ABCC2: variants seen among roughly 807,000 people sequenced by gnomAD.
The protein encoded by ABCC2 is ATP binding cassette subfamily C member 2.
A neutral mutation model predicts 173.4 loss-of-function variants in ABCC2; 157 were observed. The ratio of observed to expected loss-of-function variants is 0.91; its 90% CI spans 0.80 to 1.03. ABCC2 has a LOEUF of 1.03. Ranked by LOEUF, ABCC2 falls within the 50% of genes least tolerant of loss-of-function variation. The probability of loss-of-function intolerance (pLI) is 0.00; values close to 1 mark genes in which losing one functional copy is unlikely to be tolerated. For synonymous variants in ABCC2, 657 were observed against 693.5 expected (o/e 0.95, Z 0.83); for missense variants, 1,822 against 1,852.3 (o/e 0.98, Z 0.30).
chr10:99,794,424 C>T lies in ABCC2; in HGVS notation c.588C>T (p.Ser196=), dbSNP rs1393703862. The change falls in exon 6 of 32, where the codon TCC becomes TCT. Residue 196 remains serine (S), a synonymous_variant. Transcript: ENST00000647814. Reference sequence around the variant, plus strand: ...TTTGTGTCTTTCAGAATCCATCATCCATAGCTTCATTCCTGAGTAGCATTA... The same window carrying T: ...TTTGTGTCTTTCAGAATCCATCATCTATAGCTTCATTCCTGAGTAGCATTA... ...ENNESSNNPS[S]IASFLSSITY... 2 of 1,613,804 alleles carry T rather than the reference C, an allele frequency of 1.2e-6. No individual in the cohort carries two copies. Among genetic ancestry groups the T allele is most frequent in the Non-Finnish European group, 1.7e-6 (2 of 1,179,880 alleles).
At chr10:99,820,572 A>G (rs978362734) in intron 19 of ABCC2, among the ~76,000 whole-genome samples, 7 of 152,232 alleles carry the variant, frequency 4.6e-5, no homozygotes, top group African/African-American at 1.7e-4. Context: ...ACCCTGGGCT[A>G]TATAGTGAAA....
intron 16 of ABCC2, among the ~76,000 whole-genome samples, chr10:99,816,098 G>C (rs1303275367): frequency 1.3e-5 from 2 of 151,070 alleles, no homozygotes; most frequent in South Asian, 4.2e-4. Flanking sequence ...CTCCCAAGTA[G>C]CTGGGATTAC....
At chr10:99,810,725 T>G (rs1180481681) in intron 14 of ABCC2, among the ~76,000 whole-genome samples, 2 of 152,122 alleles carry the variant, frequency 1.3e-5, no homozygotes, top group African/African-American at 4.8e-5. Context: ...TTGGGAGTTC[T>G]GAATAAAAAA....
Position 99,792,374 on chromosome 10 carries a change from A to C in ABCC2, c.333+15A>C, listed in dbSNP as rs2037824973. ...TAGGCACATGGGTAAGACCTATACC[A>C]CTTCTGCCCTGTTTACCTTTTCATT... On this transcript the variant is annotated intron_variant, in intron 3 of 31. Coordinates refer to ENST00000647814, the MANE Select transcript of ABCC2 (RefSeq NM_000392.5). 1 of 1,613,556 alleles carries C rather than the reference A, an allele frequency of 6.2e-7. No individual in the cohort carries two copies. Among genetic ancestry groups the C allele is most frequent in the Non-Finnish European group, 8.5e-7 (1 of 1,179,710 alleles).
Position 99,831,824 on chromosome 10 carries a change from G to C in ABCC2, c.3097G>C (p.Ala1033Pro). 6.2e-7 allele frequency: 1 copy of C among 1,614,112 alleles called. No homozygotes were observed. Among genetic ancestry groups the C allele is most frequent in the Non-Finnish European group, 8.5e-7 (1 of 1,179,988 alleles). Residue 1033 changes from alanine to proline, a missense_variant, in exon 22 of 32, where the codon GCC (alanine) becomes CCC (proline). Transcript: ENST00000647814. ...RVGVYGALGL[A>P]QGIFVFIAHF... ...TGGAGTCTACGGAGCTCTGGGATTA[G>C]CCCAAGGTATGTCTGATGGCTATGA...
rs1242535819 is a variant in ABCC2, at chr10:99,834,476, G to T, written c.3355G>T (p.Ala1119Ser). The change falls in exon 24 of 32, where the codon GCC becomes TCC. Residue 1119 changes from alanine to serine, a missense_variant. Transcript: ENST00000647814. ...CAGCACCCTTGTCATGATCTGCATG[G>T]CCACTCCTGTCTTCACCATCATCGT... ...IISTLVMICM[A>S]TPVFTIIVIP... 4.3e-6 allele frequency: 7 copies of T among 1,613,984 alleles called. No homozygotes were observed. The highest frequency in any genetic ancestry group is 5.9e-6 in the Non-Finnish European group (7 of 1,180,000).
At chr10:99,797,532 G>T in intron 7 of ABCC2, 1 of 574,496 alleles carries the variant, frequency 1.7e-6, no homozygotes, top group Middle Eastern at 4.7e-4. Context: ...TTTCCTTTGG[G>T]GTACTTTTGA....
intron 26 of ABCC2, among the ~76,000 whole-genome samples, chr10:99,843,312 G>T (rs766068458): frequency 1.3e-5 from 2 of 152,180 alleles, no homozygotes; most frequent in African/African-American, 2.4e-5. Context: ...CCATGATTCC[G>T]TCCTCTGCTT....
intron 6 of ABCC2, among the ~76,000 whole-genome samples, chr10:99,795,121 C>T (rs2037876918): frequency 6.6e-6 from 1 of 152,242 alleles, no homozygotes; most frequent in Admixed American, 6.5e-5. Context: ...GGAGCAGGCA[C>T]CCTTGGCCTT....
intron 25 of ABCC2, among the ~76,000 whole-genome samples, chr10:99,839,080 A>C: frequency 8.6e-6 from 1 of 115,888 alleles, no homozygotes; most frequent in Non-Finnish European, 1.8e-5. Context: ...CTGGCCGGGC[A>C]GGGGGGCAGA....
At chr10:99,787,912 A>T (rs1238622202) in intron 2 of ABCC2, among the ~76,000 whole-genome samples, 2 of 152,008 alleles carry the variant, frequency 1.3e-5, no homozygotes, top group Admixed American at 6.6e-5. Context: ...AAATTAAAAA[A>T]ATTCACCAGG....
Position 99,814,676 on chromosome 10 carries a change from TAC to T in ABCC2, c.2094+1539_2094+1540del, listed in dbSNP as rs568702029. ...ACACACATATGTGTATATACACATA[TAC>T]ACACACGTGTATATACACATATATG... is the stretch of plus-strand genomic sequence containing the variant. On this transcript the variant is annotated intron_variant, in intron 16 of 31. Coordinates refer to ENST00000647814, the MANE Select transcript of ABCC2 (RefSeq NM_000392.5). Among the ~76,000 whole-genome samples the T allele has an allele frequency of 6.0e-3, 748 of 124,272 alleles. 83 individuals carry two copies. The highest frequency in any genetic ancestry group is 8.3e-3 in the African/African-American group (252 of 30,384). The allele number at this position is 124,272 out of a possible 152,430, so 81.5% of individuals were successfully genotyped here.
chr10:99,812,174 A>T (rs1449530954), intron 15 of ABCC2, among the ~76,000 whole-genome samples: 1 of 152,130 alleles, frequency 6.6e-6, no homozygotes, highest in Non-Finnish European at 1.5e-5. Context: ...TATACTCCTG[A>T]CTTCCCACTC....
intron 10 of ABCC2, 118 bp downstream of exon 10, chr10:99,804,391 T>C: frequency 5.2e-6 from 7 of 1,345,968 alleles, no homozygotes; most frequent in African/African-American, 1.5e-5. Context: ...GAAGACTTTC[T>C]ACCATCTCAA....
At position 99,805,507 on chromosome 10, in the gene ABCC2, G is replaced by A; in HGVS notation, c.1530+60G>A. 2.6e-6 allele frequency: 4 copies of A among 1,543,422 alleles called. No homozygotes were observed. The South Asian group carries it at 4.5e-5, about 17-fold the overall frequency. The stretch of plus-strand genomic sequence containing the variant: ...AAGGACAGAAGCAGTGGCTCTCTTG[G>A]CCTTTGCAAACCCTGGTAGAGGTGA... On this transcript the variant is annotated intron_variant, in intron 11 of 31. Transcript: ENST00000647814.
chr10:99,848,141 A>G (rs1241931880), intron 30 of ABCC2, among the ~76,000 whole-genome samples: 1 of 152,198 alleles, frequency 6.6e-6, no homozygotes, highest in Non-Finnish European at 1.5e-5. Context: ...GAGGCTGTTA[A>G]GGGCATCGCA....
chr10:99,834,458 C>G lies in ABCC2; in HGVS notation c.3337C>G (p.Leu1113Val). The change falls in exon 24 of 32, where the codon CTT becomes GTT. Residue 1113 changes from leucine to valine, a missense_variant. Transcript: ENST00000647814. ...ITCFLGIIST[L>V]VMICMATPVF... ...ATGCTTCCTGGGGATAATCAGCACC[C>G]TTGTCATGATCTGCATGGCCACTCC... 6.2e-7 allele frequency: 1 copy of G among 1,614,124 alleles called. No homozygotes were observed.
Position 99,823,144 on chromosome 10 carries a change from C to T in ABCC2, c.2620+3875C>T, listed in dbSNP as rs542412805. Among the ~76,000 whole-genome samples the T allele has an allele frequency of 6.6e-5, 10 of 152,226 alleles. No homozygotes were observed. The East Asian group carries it at 1.7e-3, about 26-fold the overall frequency. On this transcript the variant is annotated intron_variant, in intron 19 of 31. Transcript: ENST00000647814. ...CACAGACCTCTGGGATTAACTCCTG[C>T]CTCTTGAGTGGGCAGGTGTAAGACT...
chr10:99,819,750 A>C (rs2038499284), intron 19 of ABCC2, among the ~76,000 whole-genome samples: 1 of 152,236 alleles, frequency 6.6e-6, no homozygotes. Flanking sequence ...TAATATACCA[A>C]AACCACTGGG....
Sources: allele counts gnomAD v4.1 joint callset (sites outside exome capture counted in the v4.1 genomes callset), GRCh38; gene constraint gnomAD v4.1.1; transcripts MANE v1.5; gene names NCBI Gene and HGNC (gene_info 2026-07-23, HGNC 2026-07-21).